The following LAT2 variants were observed in gnomAD, a reference collection of about 807,000 sequenced individuals.
LAT2 encodes the protein linker for activation of T cells family member 2.
A neutral mutation model predicts 43.4 loss-of-function variants in LAT2; 23 were observed. The observed-to-expected ratio is 0.53, with a 90% CI of 0.38 to 0.75. The LOEUF is 0.75. Among genes scored for constraint, LAT2 ranks in the 30% least tolerant of loss-of-function variants. The pLI, the probability that LAT2 is intolerant of heterozygous loss-of-function variation, is 0.00. For missense variants in LAT2, 284 were observed against 310.2 expected (o/e 0.92, Z 0.64); for synonymous variants, 128 against 123.2 (o/e 1.04, Z -0.26).
chr7:74,219,082 T>G lies in LAT2; in HGVS notation c.135-662T>G, dbSNP rs370169466. 2.4e-5 allele frequency among the ~76,000 whole-genome samples: 3 copies of G among 124,338 alleles called. 1 individual carries two copies. In the South Asian group the frequency reaches 8.5e-4, roughly 35 times the overall value. 81.6% of individuals were successfully genotyped at this position (124,338 alleles called of 152,430 possible). A position where few individuals can be genotyped will look rare whatever the true frequency, so the allele number is the denominator to read the frequency against. ...TCTCGCTCTGTCGCCCAGGCCAGAC[T>G]GCGGACTGCAGTGGTGCAATCTCGG... On this transcript the variant is annotated intron_variant, in intron 4 of 13. Coordinates refer to ENST00000460943, the MANE Select transcript of LAT2 (RefSeq NM_032464.3).
Position 74,220,737 on chromosome 7 carries a change from G to A in LAT2, c.332+3G>A. ...CACGGGTCGGAGGAAGCCTACATGT[G>A]AGTGACCTTGATCCTGTCCCCCCTG... On this transcript the variant is annotated splice_donor_region_variant and intron_variant, in intron 9 of 13. Coordinates refer to ENST00000460943, the MANE Select transcript of LAT2 (RefSeq NM_032464.3). The surrounding 1 kb of genome is among the most constrained non-coding windows in gnomAD (Gnocchi z 4.5). 6.3e-7 allele frequency: 1 copy of A among 1,586,024 alleles called. No homozygotes were observed. Among genetic ancestry groups the A allele is most frequent in the South Asian group, 1.1e-5 (1 of 89,136 alleles).
chr7:74,211,304 TCTCA>T (rs1441552676), intron 1 of LAT2, among the ~76,000 whole-genome samples: 1 of 151,998 alleles, frequency 6.6e-6, no homozygotes, highest in African/African-American at 2.4e-5. Flanking sequence ...TTAAACGGAG[TCTCA>T]CTCTGTTGTC....
In LAT2 at chr7:74,224,215, G is replaced by A; in HGVS notation, c.628+18G>A. ...GGTCATGGGTAGGTGGCCGGGAGAAGAGGCAGGGTGGTCCACTTAGGGCAG... is the reference window on the plus strand; with the variant it reads ...GGTCATGGGTAGGTGGCCGGGAGAAAAGGCAGGGTGGTCCACTTAGGGCAG... On this transcript the variant is annotated intron_variant, in intron 12 of 13. Transcript: ENST00000460943. 6.2e-7 allele frequency: 1 copy of A among 1,609,420 alleles called. No individual in the cohort carries two copies. Among genetic ancestry groups the A allele is most frequent in the Non-Finnish European group, 8.5e-7 (1 of 1,179,658 alleles).
At chr7:74,215,570 C>T (rs1802006327) in intron 2 of LAT2, among the ~76,000 whole-genome samples, 1 of 152,188 alleles carries the variant, frequency 6.6e-6, no homozygotes, top group Non-Finnish European at 1.5e-5. Context: ...TCCCATCTTT[C>T]CACTTAGCAG....
chr7:74,224,148 T>G lies in LAT2; in HGVS notation c.579T>G (p.Tyr193Ter), dbSNP rs782375209. Residue 193 changes from tyrosine (Y) to a stop codon, truncating the protein, a stop_gained, in exon 12 of 14, where the codon TAT (tyrosine) becomes TAG (stop). Transcript: ENST00000460943. LOFTEE classifies it high-confidence loss of function. ...SPEEDEESEDYQNSASIHQWR... is the reference protein window; with the variant it reads ...SPEEDEESED Reference sequence around the variant, plus strand: ...AAGAAGATGAGGAATCTGAGGATTATCAGAACTCAGCATCCATCCATCAGT... The same window carrying G: ...AAGAAGATGAGGAATCTGAGGATTAGCAGAACTCAGCATCCATCCATCAGT... 1 of 1,614,184 alleles carries G rather than the reference T, an allele frequency of 6.2e-7. No individual in the cohort carries two copies. Among genetic ancestry groups the G allele is most frequent in the Non-Finnish European group, 8.5e-7 (1 of 1,180,036 alleles).
Position 74,219,729 on chromosome 7 carries a change from C to T in LAT2, c.135-15C>T, listed in dbSNP as rs1449821720. On this transcript the variant is annotated splice_polypyrimidine_tract_variant and intron_variant, in intron 4 of 13. Transcript: ENST00000460943. ...GAGTCCAGGCCCAGGCTCAGCACAG[C>T]CCATGCATTTCCAGGCGTGAGGACC... is the stretch of plus-strand genomic sequence containing the variant. 4 of 1,614,080 alleles carry T rather than the reference C, an allele frequency of 2.5e-6. No individual in the cohort carries two copies. Among genetic ancestry groups the T allele is most frequent in the Non-Finnish European group, 8.5e-7 (1 of 1,179,996 alleles).
Position 74,220,846 on chromosome 7 carries a change from G to A in LAT2, c.332+112G>A, listed in dbSNP as rs1802245891. ...TGCCTGCCACAGCCCTGGGCTTCCT[G>A]GTCCAGGAACCACCTCTTGCACTAG... On this transcript the variant is annotated intron_variant, in intron 9 of 13. Coordinates refer to ENST00000460943, the MANE Select transcript of LAT2 (RefSeq NM_032464.3). This position sits in a 1 kb window ranked among gnomAD's most constrained non-coding sequence, Gnocchi z 4.5. The A allele has an allele frequency of 1.1e-6, 1 of 939,036 alleles. No individual in the cohort carries two copies. 58.2% of individuals were successfully genotyped at this position (939,036 alleles called of 1,614,324 possible). A position where few individuals can be genotyped will look rare whatever the true frequency, so the allele number is the denominator to read the frequency against.
At chr7:74,225,816 T>G (rs112056182) in intron 13 of LAT2, 1 of 152,254 alleles carries the variant, frequency 6.6e-6, no homozygotes, top group Non-Finnish European at 1.5e-5. Flanking sequence ...TGAACCTGGG[T>G]GGTCAAGAGT....
Position 74,220,662 on chromosome 7 carries a change from C to G in LAT2, c.302-42C>G. The G allele has an allele frequency of 6.2e-7, 1 of 1,613,780 alleles. No individual in the cohort carries two copies. Among genetic ancestry groups the G allele is most frequent in the Non-Finnish European group, 8.5e-7 (1 of 1,179,844 alleles). The stretch of plus-strand genomic sequence containing the variant: ...GAAAGGGGGAGGCCATGGTGGGGGC[C>G]ACACCCAGGGGCTCAGGCCCAATTC... On this transcript the variant is annotated intron_variant, in intron 8 of 13. Transcript: ENST00000460943. This position sits in a 1 kb window ranked among gnomAD's most constrained non-coding sequence, Gnocchi z 4.5.
intron 1 of LAT2, among the ~76,000 whole-genome samples, chr7:74,210,494 C>G (rs1304094322): frequency 2.6e-5 from 4 of 152,150 alleles, no homozygotes; most frequent in African/African-American, 9.7e-5. Context: ...AGGTCTTGCC[C>G]CAGGTCAGGT....
chr7:74,228,798 AAAAG>A, intron 13 of LAT2, 142 bp from the exon 14 acceptor site: 1 of 152,296 alleles, frequency 6.6e-6, no homozygotes, highest in Non-Finnish European at 1.5e-5. Context: ...CAAAAAAAAA[AAAAG>A]AAACCCAGTT....
chr7:74,224,874 G>A lies in LAT2; in HGVS notation c.*18+114G>A, dbSNP rs936193140. 4 of 767,552 alleles carry A rather than the reference G, an allele frequency of 5.2e-6. No homozygotes were observed. The South Asian group carries it at 7.3e-5, about 14-fold the overall frequency. 47.5% of individuals were successfully genotyped at this position (767,552 alleles called of 1,614,324 possible). Reference sequence around the variant, plus strand: ...GTGTGGGTGGAGGGGCCATGGTGGGGGCTACAGGGTGCACCCATGGGTGCT... The same window carrying A: ...GTGTGGGTGGAGGGGCCATGGTGGGAGCTACAGGGTGCACCCATGGGTGCT... On this transcript the variant is annotated intron_variant, in intron 13 of 13. Coordinates refer to ENST00000460943, the MANE Select transcript of LAT2 (RefSeq NM_032464.3).
chr7:74,219,910 G>A (rs1554714832), intron 5 of LAT2, 50 bp from the exon 6 acceptor site: 1 of 1,612,262 alleles, frequency 6.2e-7, no homozygotes, highest in South Asian at 1.1e-5. Flanking sequence ...GGGTGAGGGG[G>A]CTGGGCTAGC....
intron 12 of LAT2, 149 bp from the exon 13 acceptor site, chr7:74,224,490 A>G: frequency 1.4e-6 from 1 of 714,948 alleles, no homozygotes; most frequent in Non-Finnish European, 2.4e-6. Context: ...CAAATCCCAG[A>G]GACAGGACAG....
At position 74,220,767 on chromosome 7, in the gene LAT2, G is replaced by A. The variant is rs200384312; in HGVS notation, c.332+33G>A. 85 of 1,482,984 alleles carry A rather than the reference G, an allele frequency of 5.7e-5. No homozygotes were observed. Among genetic ancestry groups the A allele is most frequent in the African/African-American group, 5.5e-4 (38 of 69,408 alleles). The allele number at this position is 1,482,984 out of a possible 1,614,324, so 91.9% of individuals were successfully genotyped here. On this transcript the variant is annotated intron_variant, in intron 9 of 13. Coordinates refer to ENST00000460943, the MANE Select transcript of LAT2 (RefSeq NM_032464.3). The surrounding 1 kb of genome is among the most constrained non-coding windows in gnomAD (Gnocchi z 4.5). ...ACCTTGATCCTGTCCCCCCTGCCTC[G>A]CCTCTCCCCCTGCCCCACCTCTCCC... is the stretch of plus-strand genomic sequence containing the variant.
rs782362201 is a variant in LAT2, at chr7:74,215,029, T to A, written c.-30+19T>A. On this transcript the variant is annotated intron_variant, in intron 2 of 13. Transcript: ENST00000460943. The stretch of plus-strand genomic sequence containing the variant: ...GGCCACGGTGGGTGGTGTGCGTATG[T>A]TTTGCTGAGGCCTGGTCATCACGCT... 2 of 151,602 alleles carry A rather than the reference T, an allele frequency of 1.3e-5. No individual in the cohort carries two copies. Among genetic ancestry groups the A allele is most frequent in the Non-Finnish European group, 2.9e-5 (2 of 67,940 alleles). 9.4% of individuals were successfully genotyped at this position (151,602 alleles called of 1,614,324 possible). A position where few individuals can be genotyped will look rare whatever the true frequency, so the allele number is the denominator to read the frequency against.
chr7:74,220,117 C>T lies in LAT2; in HGVS notation c.228-100C>T. On this transcript the variant is annotated intron_variant, in intron 6 of 13. Transcript: ENST00000460943. The surrounding 1 kb of genome is among the most constrained non-coding windows in gnomAD (Gnocchi z 4.5). ...CTCCCCGAGTCCCAGAGCTCCAGGG[C>T]TCAGCTATGAAGGCCCCACAAGGGG... is the stretch of plus-strand genomic sequence containing the variant. The T allele has an allele frequency of 6.4e-7, 1 of 1,562,894 alleles. No individual in the cohort carries two copies. The highest frequency in any genetic ancestry group is 8.7e-7 in the Non-Finnish European group (1 of 1,144,772).
chr7:74,224,823 C>A, intron 13 of LAT2, 63 bp downstream of exon 13: 1 of 1,219,756 alleles, frequency 8.2e-7, no homozygotes, highest in South Asian at 1.5e-5. Flanking sequence ...AGCTGCAGGA[C>A]CCCCAATCCA....
intron 3 of LAT2, 56 bp from the exon 4 acceptor site, chr7:74,216,769 G>A (rs1802062158): frequency 2.6e-6 from 4 of 1,524,114 alleles, no homozygotes; most frequent in Admixed American, 1.7e-5. Flanking sequence ...GGGGGTGTCT[G>A]ACCTCAGGTC....
Sources: gnomAD v4.1 joint callset for allele counts (sites outside exome capture counted in the v4.1 genomes callset) on GRCh38, gnomAD v4.1.1 for gene constraint, Gnocchi (gnomAD v3.1) non-coding constraint, MANE v1.5 for transcripts, NCBI Gene and HGNC (gene_info 2026-07-23, HGNC 2026-07-21) for gene names.